The following ERG variants were observed in gnomAD, a reference collection of about 807,000 sequenced individuals.
ERG encodes the protein ETS transcription factor ERG.
In ERG, 9 loss-of-function variants were observed where a neutral mutation model predicts 55.3. The ratio of observed to expected loss-of-function variants is 0.16; its 90% confidence interval spans 0.10 to 0.28. The LOEUF (loss-of-function observed/expected upper bound fraction) is 0.28. Ranked by LOEUF, ERG falls within the 10% of genes least tolerant of loss-of-function variation. The pLI is 1.00. For missense variants in ERG, 434 were observed against 631.6 expected (o/e 0.69, Z 3.35); for synonymous variants, 223 against 237.3 (o/e 0.94, Z 0.55).
intron 2 of ERG, among the ~76,000 whole-genome samples, chr21:38,571,169 T>C (rs1601255556): frequency 6.6e-6 from 1 of 152,200 alleles, no homozygotes; most frequent in Non-Finnish European, 1.5e-5. Flanking sequence ...TGTATCTTCA[T>C]ACACACCTAA....
intron 1 of ERG, among the ~76,000 whole-genome samples, chr21:38,613,101 T>C (rs967620557): frequency 2.0e-5 from 3 of 152,244 alleles, no homozygotes; most frequent in African/African-American, 7.2e-5. Context: ...AAATAAAATG[T>C]TCACTCTTAA....
chr21:38,481,508 T>C lies in ERG; in HGVS notation c.18+16855A>G, dbSNP rs1206803267. On this transcript the variant is annotated intron_variant, in intron 1 of 9. Transcript: ENST00000288319. The stretch of plus-strand genomic sequence containing the variant: ...CAGTAAGGCTCACTAAGTTAAATAA[T>C]ATGCTGGATAATCTTAAATTTACAG... Among the ~76,000 whole-genome samples, 3 of 152,250 alleles carry C rather than the reference T, an allele frequency of 2.0e-5. No homozygotes were observed. The East Asian group carries it at 5.8e-4, about 29-fold the overall frequency.
intron 2 of ERG, among the ~76,000 whole-genome samples, chr21:38,550,696 C>T (rs1487340317): frequency 6.6e-6 from 1 of 152,200 alleles, no homozygotes; most frequent in Non-Finnish European, 1.5e-5. Flanking sequence ...CACTTTGTTA[C>T]AGCAGCCCAA....
chr21:38,556,688 C>G (rs1295144456), intron 2 of ERG, among the ~76,000 whole-genome samples: 3 of 152,090 alleles, frequency 2.0e-5, no homozygotes, highest in Non-Finnish European at 2.9e-5. Context: ...CTTCTCCCAC[C>G]CACTGGCTGA....
intron 2 of ERG, among the ~76,000 whole-genome samples, chr21:38,506,139 G>T (rs1407188714): frequency 2.6e-5 from 4 of 151,930 alleles, no homozygotes; most frequent in African/African-American, 9.7e-5. Flanking sequence ...AATCTGGGGG[G>T]GTGAGATTTG....
intron 1 of ERG, among the ~76,000 whole-genome samples, chr21:38,479,352 C>T (rs1209321026): frequency 1.3e-5 from 2 of 152,170 alleles, no homozygotes; most frequent in Non-Finnish European, 2.9e-5. Context: ...CCCTTGAGAC[C>T]TGCCTGGTCT....
At chr21:38,511,889 A>T (rs1405459347) in intron 2 of ERG, among the ~76,000 whole-genome samples, 2 of 152,194 alleles carry the variant, frequency 1.3e-5, no homozygotes, top group African/African-American at 4.8e-5. Context: ...AATTATGACA[A>T]CCAAAACTGT....
chr21:38,381,350 G>A lies in ERG; in HGVS notation c.*2053C>T. On this transcript the variant is annotated 3_prime_UTR_variant, in exon 10 of 10. Transcript: ENST00000288319. ...GCCTTCACCTGGACCAAGGTTGGCA[G>A]CATTTGTGATTCAAAGAAAAGATGC... 1.9e-6 allele frequency: 2 copies of A among 1,063,954 alleles called. No individual in the cohort carries two copies. Among genetic ancestry groups the A allele is most frequent in the Non-Finnish European group, 2.3e-6 (2 of 878,486 alleles). The allele number at this position is 1,063,954 out of a possible 1,614,324, so 65.9% of individuals were successfully genotyped here.
intron 1 of ERG, among the ~76,000 whole-genome samples, chr21:38,647,699 A>G (rs2060465509): frequency 6.6e-6 from 1 of 152,238 alleles, no homozygotes; most frequent in South Asian, 2.1e-4. Flanking sequence ...GGTGACACAG[A>G]AATACTAAGT....
chr21:38,576,097 G>C (rs538810435), intron 1 of ERG, among the ~76,000 whole-genome samples: 1 of 152,214 alleles, frequency 6.6e-6, no homozygotes, highest in Non-Finnish European at 1.5e-5. Flanking sequence ...CTAAAACAGG[G>C]CATACTTCTC....
intron 1 of ERG, among the ~76,000 whole-genome samples, chr21:38,497,456 T>C (rs146244117): frequency 6.6e-6 from 1 of 152,316 alleles, no homozygotes; most frequent in Non-Finnish European, 1.5e-5. Context: ...TCTACAAATG[T>C]CACGAAGGCA....
intron 2 of ERG, among the ~76,000 whole-genome samples, chr21:38,515,997 C>G (rs1224696959): frequency 1.3e-5 from 2 of 151,954 alleles, no homozygotes; most frequent in African/African-American, 4.8e-5. Context: ...ATATTAAAGT[C>G]CATACATGAT....
chr21:38,600,070 T>A (rs1308462584), intron 1 of ERG, among the ~76,000 whole-genome samples: 1 of 151,848 alleles, frequency 6.6e-6, no homozygotes, highest in East Asian at 1.9e-4. Context: ...AGGCACGAGG[T>A]TGGTGACAGG....
chr21:38,398,065 A>C (rs1368586167), intron 6 of ERG, among the ~76,000 whole-genome samples: 1 of 152,180 alleles, frequency 6.6e-6, no homozygotes, highest in African/African-American at 2.4e-5. Flanking sequence ...AAGGACCTTC[A>C]AAGAAACAGT....
the ERG span, among the ~76,000 whole-genome samples, chr21:38,367,872 C>A: frequency 6.6e-6 from 1 of 152,096 alleles, no homozygotes; most frequent in Non-Finnish European, 1.5e-5. Flanking sequence ...ACATCCTCTG[C>A]AGAGAACAAT....
chr21:38,430,941 A>G (rs1990175953), intron 2 of ERG, among the ~76,000 whole-genome samples: 1 of 149,066 alleles, frequency 6.7e-6, no homozygotes. Flanking sequence ...GTAGGAAGAC[A>G]ACCAAACATT....
chr21:38,469,402 CTTCACAGAAACTCTGCCACAAATGCT>C (rs1337063847), intron 1 of ERG, among the ~76,000 whole-genome samples: 2 of 152,192 alleles, frequency 1.3e-5, no homozygotes, highest in Non-Finnish European at 2.9e-5. Flanking sequence ...TGGATGCAAA[CTTCACAGAAACTCTGCCACAAATGCT>C]CACGAACACC....
rs2836354 is a variant in ERG at position 38,381,453 on chromosome 21, T to C, written c.*1950A>G. The C allele has an allele frequency of 0.28, 292,578 of 1,062,014 alleles. 41,909 individuals are homozygous for C. The highest frequency in any genetic ancestry group is 0.46 in the African/African-American group (28,008 of 60,928). 65.8% of individuals were successfully genotyped at this position (1,062,014 alleles called of 1,614,324 possible). On this transcript the variant is annotated 3_prime_UTR_variant, in exon 10 of 10. Transcript: ENST00000288319. ...CCAGCAACATCAGGCTCAGGGCTAG[T>C]GAATCCCAAGCCACAGTGCCCAGGT... is the stretch of plus-strand genomic sequence containing the variant.
intron 2 of ERG, among the ~76,000 whole-genome samples, chr21:38,509,877 G>A (rs2059497921): frequency 6.6e-6 from 1 of 152,180 alleles, no homozygotes; most frequent in Non-Finnish European, 1.5e-5. Context: ...TGAAACATTA[G>A]CTCCTAGAAA....
Sources: allele counts gnomAD v4.1 joint callset (sites outside exome capture counted in the v4.1 genomes callset), GRCh38; gene constraint gnomAD v4.1.1; transcripts MANE v1.5; gene names NCBI Gene and HGNC (gene_info 2026-07-23, HGNC 2026-07-21).